Variants in COL19A1 observed in about 807,000 individuals in gnomAD.
The protein encoded by COL19A1 is collagen type XIX alpha 1 chain.
COL19A1 carries 159 observed loss-of-function variants against 190.2 expected under a neutral mutation model. The ratio of observed to expected loss-of-function variants is 0.84; its 90% confidence interval spans 0.73 to 0.95. The LOEUF is 0.95. Among genes scored for constraint, COL19A1 ranks in the 40% least tolerant of loss-of-function variants. The probability of loss-of-function intolerance (pLI) is 0.00; values close to 1 mark genes in which losing one functional copy is unlikely to be tolerated. For missense variants in COL19A1, 1,418 were observed against 1,431.9 expected, an observed-to-expected ratio of 0.99 and a Z score of 0.16; for synonymous variants, 509 against 458.9, an observed-to-expected ratio of 1.11 and a Z score of -1.39.
intron 36 of COL19A1, 73 bp downstream of exon 36, chr6:70,163,469 G>A (rs1018602051): frequency 3.7e-5 from 52 of 1,390,170 alleles, no homozygotes; most frequent in Middle Eastern, 3.6e-4. Context: ...TCTTCACAGA[G>A]AGAGCCATAA....
At chr6:70,144,847 A>C (rs1336527066) in intron 24 of COL19A1, 71 bp from the exon 25 acceptor site, 5 of 951,114 alleles carry the variant, frequency 5.3e-6, no homozygotes, top group Admixed American at 2.4e-5. Flanking sequence ...AAAACAATGG[A>C]AACCACTACC....
At chr6:69,986,289 T>C (rs1002634170) in intron 11 of COL19A1, among the ~76,000 whole-genome samples, 3 of 150,148 alleles carry the variant, frequency 2.0e-5, no homozygotes, top group African/African-American at 7.3e-5. Flanking sequence ...CCTCCTTTTA[T>C]AAGTCAGAAA....
At chr6:69,901,109 G>T (rs996687382) in intron 4 of COL19A1, among the ~76,000 whole-genome samples, 2 of 149,618 alleles carry the variant, frequency 1.3e-5, no homozygotes, top group Admixed American at 6.7e-5. Flanking sequence ...ATGAATATTC[G>T]CATGTATGAA....
chr6:70,068,518 G>A (rs975930321), intron 15 of COL19A1, 42 bp downstream of exon 15: 1 of 1,303,996 alleles, frequency 7.7e-7, no homozygotes, highest in Non-Finnish European at 1.1e-6. Flanking sequence ...ACTAACTTAG[G>A]GGATACTTAT....
At chr6:70,075,347 T>G (rs952405496) in intron 15 of COL19A1, among the ~76,000 whole-genome samples, 1 of 152,196 alleles carries the variant, frequency 6.6e-6, no homozygotes, top group African/African-American at 2.4e-5. Flanking sequence ...TTTGCAGAGC[T>G]CCATGGTGGA....
intron 14 of COL19A1, among the ~76,000 whole-genome samples, chr6:70,055,781 TAAAAA>T (rs55871207): frequency 5.1e-5 from 6 of 117,468 alleles, no homozygotes; most frequent in East Asian, 2.4e-4. Flanking sequence ...AACTCTGTAT[TAAAAA>T]AAAAAAAAAA....
intron 18 of COL19A1, among the ~76,000 whole-genome samples, chr6:70,131,400 AAGAT>A (rs1785512624): frequency 6.6e-6 from 1 of 152,224 alleles, no homozygotes. Flanking sequence ...TTACTGCTAA[AAGAT>A]AGTCTCACCA....
chr6:70,167,927 A>T, intron 37 of COL19A1, 98 bp from the exon 38 acceptor site: 1 of 862,228 alleles, frequency 1.2e-6, no homozygotes, highest in Non-Finnish European at 1.8e-6. Flanking sequence ...AAAAGTAAAA[A>T]ATAGAATAGG....
intron 48 of COL19A1, among the ~76,000 whole-genome samples, chr6:70,199,131 GAA>G (rs1437022690): frequency 2.0e-5 from 3 of 152,164 alleles, no homozygotes; most frequent in Non-Finnish European, 4.4e-5. Flanking sequence ...CACTAGAAAT[GAA>G]AAGTCTAGCC....
chr6:69,897,458 T>TACACACACACACAC (rs71760023), intron 2 of COL19A1, among the ~76,000 whole-genome samples: 11 of 145,330 alleles, frequency 7.6e-5, no homozygotes, highest in East Asian at 2.0e-4. Context: ...TTGTCAGTTT[T>TACACACACACACAC]ACACACACAC....
rs921400270 is a variant in COL19A1, at chr6:70,211,173, T to C, written c.*3899T>C. 6.6e-6 allele frequency among the ~76,000 whole-genome samples: 1 copy of C among 152,178 alleles called. No individual in the cohort carries two copies. Among genetic ancestry groups the C allele is most frequent in the Non-Finnish European group, 1.5e-5 (1 of 67,984 alleles). ...TTTACAGTTATATTTGTATAACGTT[T>C]ATATTTTTCTAGAATACATCACTAT... On this transcript the variant is annotated 3_prime_UTR_variant, in exon 51 of 51. Transcript: ENST00000620364.
chr6:70,148,055 G>A (rs1786780561), intron 27 of COL19A1, among the ~76,000 whole-genome samples: 1 of 152,080 alleles, frequency 6.6e-6, no homozygotes, highest in South Asian at 2.1e-4. Context: ...CGGAGTTGGG[G>A]TGTGTCACTC....
intron 9 of COL19A1, among the ~76,000 whole-genome samples, chr6:69,946,395 A>G (rs1773803467): frequency 6.6e-6 from 1 of 152,038 alleles, no homozygotes; most frequent in Non-Finnish European, 1.5e-5. Flanking sequence ...TGGAAAGAAA[A>G]TGAGGGGAAA....
intron 4 of COL19A1, among the ~76,000 whole-genome samples, chr6:69,920,229 T>A (rs1198235577): frequency 6.6e-6 from 1 of 152,240 alleles, no homozygotes; most frequent in African/African-American, 2.4e-5. Flanking sequence ...AAAGCCTCAC[T>A]GGCAGTGGTT....
intron 9 of COL19A1, among the ~76,000 whole-genome samples, chr6:69,957,567 C>A (rs1409503720): frequency 5.9e-5 from 9 of 151,546 alleles, no homozygotes; most frequent in Non-Finnish European, 1.3e-4. Context: ...GAAAAAAAAA[C>A]CCTCAGAAAT....
intron 49 of COL19A1, among the ~76,000 whole-genome samples, chr6:70,201,579 AC>A (rs1353480457): frequency 6.6e-6 from 1 of 152,154 alleles, no homozygotes; most frequent in Non-Finnish European, 1.5e-5. Context: ...AATTGTCAAA[AC>A]TTTTGTCTCC....
chr6:69,899,119 A>G (rs1769987630), intron 3 of COL19A1, 97 bp downstream of exon 3: 2 of 746,562 alleles, frequency 2.7e-6, no homozygotes, highest in African/African-American at 1.8e-5. Context: ...TGATACTGCA[A>G]TTTAAGATCA....
chr6:70,086,323 G>A (rs1344113369), intron 15 of COL19A1, among the ~76,000 whole-genome samples: 1 of 151,156 alleles, frequency 6.6e-6, no homozygotes, highest in Non-Finnish European at 1.5e-5. Context: ...CAATAATATT[G>A]AATACAAGAA....
chr6:70,152,776 A>G (rs1256011997), intron 31 of COL19A1, among the ~76,000 whole-genome samples: 2 of 152,142 alleles, frequency 1.3e-5, no homozygotes, highest in African/African-American at 2.4e-5. Context: ...GATTCTTTAC[A>G]AGACAGTGGT....
Sources: gnomAD v4.1 joint callset for allele counts (sites outside exome capture counted in the v4.1 genomes callset) on GRCh38, gnomAD v4.1.1 for gene constraint, MANE v1.5 for transcripts, NCBI Gene and HGNC (gene_info 2026-07-23, HGNC 2026-07-21) for gene names.